The following GGA3 variants were observed in gnomAD, a reference collection of about 807,000 sequenced individuals.
The protein encoded by GGA3 is golgi associated, gamma adaptin ear containing, ARF binding protein 3, also known as ADP-ribosylation factor-binding protein GGA3.
Under a neutral mutation model 77.5 loss-of-function variants are expected in GGA3, and 57 were observed. That is an observed-to-expected ratio of 0.74 (90% CI 0.59 to 0.92). The LOEUF is 0.92. Among genes scored for constraint, GGA3 ranks in the 40% least tolerant of loss-of-function variants. The pLI is 0.00. For missense variants in GGA3, 970 were observed against 914.9 expected (o/e 1.06, Z -0.78); for synonymous variants, 416 against 383.7 (o/e 1.08, Z -0.98).
chr17:75,257,943 AAAG>A (rs1469667440), intron 1 of GGA3, among the ~76,000 whole-genome samples: 4 of 152,160 alleles, frequency 2.6e-5, no homozygotes, highest in Non-Finnish European at 5.9e-5. Context: ...AAGATCCACA[AAAG>A]AAGTAAAAAT....
chr17:75,241,098 C>G lies in GGA3; in HGVS notation c.947-41G>C, dbSNP rs144855213. 9,086 of 1,611,968 alleles carry G rather than the reference C, an allele frequency of 5.6e-3. 45 individuals carry two copies. The highest frequency in any genetic ancestry group is 6.7e-3 in the Non-Finnish European group (7,921 of 1,178,478). The stretch of plus-strand genomic sequence containing the variant: ...GAGCAGAACAGGAATAATTAGGGGT[C>G]TTCTAGTGGCTGTGTGGCAGGAGGC... On this transcript the variant is annotated intron_variant, in intron 10 of 16. Transcript: ENST00000537686.
chr17:75,239,990 A>C lies in GGA3; in HGVS notation c.1382T>G (p.Leu461Arg), dbSNP rs1225005855. The C allele has an allele frequency of 1.3e-6, 2 of 1,556,532 alleles. No individual in the cohort carries two copies. The highest frequency in any genetic ancestry group is 1.7e-6 in the Non-Finnish European group (2 of 1,150,796). Residue 461 changes from leucine (L) to arginine (R), a missense_variant, in exon 13 of 17, where the codon CTG (leucine) becomes CGG (arginine). Leu to Arg is a moderately radical substitution (Grantham distance 102). Transcript: ENST00000537686. The stretch of plus-strand genomic sequence containing the variant: ...CACAGGAGCTGGGAAGGGAGGCGGC[A>C]GTGGAGCTTGGGAGCTGCTTGAGGA... The part of the protein sequence containing the change: ...APSSSSSQAP[L>R]PPPFPAPVVP...
Position 75,240,047 on chromosome 17 carries a change from G to A in GGA3, c.1325C>T (p.Ser442Phe), listed in dbSNP as rs1438815941. 4.5e-6 allele frequency: 7 copies of A among 1,552,114 alleles called. No homozygotes were observed. Among genetic ancestry groups the A allele is most frequent in the Non-Finnish European group, 6.1e-6 (7 of 1,148,524 alleles). ...TGAGGGCTGGAGCAGAGGAGCATCG[G>A]AGGCGCCACAGGCAGCGGTCCCCGG... ...PRPGTAACGA[S>F]DAPLLQPSAP... The change falls in exon 13 of 17, where the codon TCC becomes TTC. Residue 442 changes from serine (S) to phenylalanine (F), a missense_variant. Physicochemically the swap from Ser to Phe is radical, Grantham distance 155. Coordinates refer to ENST00000537686, the MANE Select transcript of GGA3 (RefSeq NM_138619.4).
At chr17:75,255,517 C>A (rs1598443228) in intron 1 of GGA3, among the ~76,000 whole-genome samples, 2 of 152,268 alleles carry the variant, frequency 1.3e-5, no homozygotes, top group East Asian at 3.9e-4. Context: ...GCACCCCTTA[C>A]CATCTCATTA....
At chr17:75,257,055 G>A (rs1049291240) in intron 1 of GGA3, among the ~76,000 whole-genome samples, 19 of 151,826 alleles carry the variant, frequency 1.3e-4, no homozygotes, top group Non-Finnish European at 2.2e-4. Context: ...ACGGTCCTCC[G>A]TCTTCAAGAA....
intron 13 of GGA3, 50 bp from the exon 14 acceptor site, chr17:75,239,621 C>T (rs759942313): frequency 4.0e-5 from 59 of 1,488,942 alleles, no homozygotes; most frequent in Non-Finnish European, 5.2e-5. Flanking sequence ...GCCAGAGCTG[C>T]AGGACTCTCA....
intron 1 of GGA3, among the ~76,000 whole-genome samples, chr17:75,249,758 G>A (rs2076896580): frequency 6.6e-6 from 1 of 152,140 alleles, no homozygotes; most frequent in Admixed American, 6.5e-5. Context: ...TTTGCACGGG[G>A]AAAAGCATCT....
chr17:75,239,904 G>C lies in GGA3; in HGVS notation c.1468C>G (p.Pro490Ala). ...GSSLFSTGVA[P>A]ALAPKVEPAV... is the part of the protein sequence containing the mutation. Reference sequence around the variant, plus strand: ...GGCTCAACTTTTGGGGCCAAGGCTGGGGCCACTCCAGTAGAAAACAAGGAG... The same window carrying C: ...GGCTCAACTTTTGGGGCCAAGGCTGCGGCCACTCCAGTAGAAAACAAGGAG... Residue 490 changes from proline to alanine, a missense_variant, in exon 13 of 17, where the codon CCA becomes GCA. Pro to Ala is a conservative substitution (Grantham distance 27). Coordinates refer to ENST00000537686, the MANE Select transcript of GGA3 (RefSeq NM_138619.4). 6.2e-7 allele frequency: 1 copy of C among 1,613,168 alleles called. No individual in the cohort carries two copies. Among genetic ancestry groups the C allele is most frequent in the South Asian group, 1.1e-5 (1 of 90,996 alleles).
chr17:75,239,280 T>C (rs1229766295), intron 14 of GGA3, 95 bp downstream of exon 14: 3 of 1,167,184 alleles, frequency 2.6e-6, no homozygotes, highest in Non-Finnish European at 3.6e-6. Context: ...AGGGACCCCC[T>C]GCAAAGAGTG....
intron 6 of GGA3, 51 bp downstream of exon 6, chr17:75,243,012 G>A (rs1291691631): frequency 6.6e-7 from 1 of 1,509,886 alleles, no homozygotes; most frequent in Non-Finnish European, 9.2e-7. Flanking sequence ...ACATTCCCCT[G>A]CTGCCACCCA....
intron 1 of GGA3, among the ~76,000 whole-genome samples, chr17:75,248,364 G>C (rs973555354): frequency 3.2e-4 from 48 of 149,160 alleles, no homozygotes; most frequent in Non-Finnish European, 6.1e-4. Context: ...CCAGCTACTC[G>C]GTAGGCTGAG....
At chr17:75,250,553 A>C (rs769605093) in intron 1 of GGA3, among the ~76,000 whole-genome samples, 5 of 151,248 alleles carry the variant, frequency 3.3e-5, no homozygotes, top group Non-Finnish European at 5.9e-5. Flanking sequence ...ATTTGAGGTC[A>C]GGAGTTCAAG....
intron 13 of GGA3, 57 bp downstream of exon 13, chr17:75,239,732 G>A: frequency 6.3e-7 from 1 of 1,587,566 alleles, no homozygotes; most frequent in Non-Finnish European, 8.6e-7. Context: ...GTTAGCTCTG[G>A]TTCTGACACA....
chr17:75,239,482 C>T lies in GGA3; in HGVS notation c.1673G>A (p.Gly558Asp). The T allele has an allele frequency of 1.3e-6, 2 of 1,580,090 alleles. No individual in the cohort carries two copies. Among genetic ancestry groups the T allele is most frequent in the South Asian group, 2.3e-5 (2 of 86,206 alleles). ...ACTCAGTGGCTGGAAGAGCGGGCTG[C>T]CGGGCCCCGTGGAGAAGGGCAGGAG... ...RPLLPFSTGP[G>D]SPLFQPLSFQ... Residue 558 changes from glycine (G) to aspartate (D), a missense_variant, in exon 14 of 17, where the codon GGC becomes GAC. Gly to Asp is a moderately conservative substitution (Grantham distance 94). Transcript: ENST00000537686.
chr17:75,249,474 G>A (rs1225274548), intron 1 of GGA3, among the ~76,000 whole-genome samples: 1 of 152,236 alleles, frequency 6.6e-6, no homozygotes, highest in Non-Finnish European at 1.5e-5. Context: ...GGAAAGAAAT[G>A]TCTGGCAATC....
rs2076694765 is a variant in GGA3, at chr17:75,244,711, C to T, written c.208G>A (p.Glu70Lys). Residue 70 changes from glutamate to lysine, a missense_variant, in exon 4 of 17, where the codon GAG (glutamate) becomes AAG (lysine). Glu to Lys is a moderately conservative substitution (Grantham distance 56, BLOSUM62 1). Coordinates refer to ENST00000537686, the MANE Select transcript of GGA3 (RefSeq NM_138619.4). ...WEALQALTVL[E>K]ACMKNCGRRF... ...CTCCCACAGTTCTTCATGCATGCCTCCAGCACCTGTAGCCGCACAGAGGAG... is the reference window on the plus strand; with the variant it reads ...CTCCCACAGTTCTTCATGCATGCCTTCAGCACCTGTAGCCGCACAGAGGAG... 1 of 1,612,554 alleles carries T rather than the reference C, an allele frequency of 6.2e-7. No homozygotes were observed. The highest frequency in any genetic ancestry group is 8.5e-7 in the Non-Finnish European group (1 of 1,178,552).
chr17:75,237,393 C>T lies in GGA3; in HGVS notation c.*886G>A. 2 of 1,232,014 alleles carry T rather than the reference C, an allele frequency of 1.6e-6. No homozygotes were observed. The highest frequency in any genetic ancestry group is 2.0e-5 in the Admixed American group (1 of 50,564). The allele number at this position is 1,232,014 out of a possible 1,614,324, so 76.3% of individuals were successfully genotyped here. A position where few individuals can be genotyped will look rare whatever the true frequency, so the allele number is the denominator to read the frequency against. On this transcript the variant is annotated 3_prime_UTR_variant, in exon 17 of 17. Transcript: ENST00000537686. ...CCATCTGGTGAGAGGAGAGGGAGGC[C>T]AAAGCAGTAGGATGTAGAGTGGCGG...
chr17:75,261,565 C>A lies in GGA3; in HGVS notation c.23G>T (p.Ser8Ile), dbSNP rs374161024. Residue 8 changes from serine (S) to isoleucine (I), a missense_variant, in exon 1 of 17, where the codon AGC becomes ATC. Transcript: ENST00000537686. MAEAEGE[S>I]LESWLNKATN... Reference sequence around the variant, plus strand: ...CTACTCACTGAGCCAGGACTCCAGGCTTTCCCCTTCCGCCTCCGCCATATT... The same window carrying A: ...CTACTCACTGAGCCAGGACTCCAGGATTTCCCCTTCCGCCTCCGCCATATT... 7.3e-5 allele frequency: 114 copies of A among 1,554,940 alleles called. 1 individual carries two copies. The highest frequency in any genetic ancestry group is 1.8e-4 in the South Asian group (15 of 83,984).
In GGA3 at chr17:75,239,003, G is replaced by A. The variant is rs765795873; in HGVS notation, c.1861C>T (p.Arg621Ter). ...ACCACCACCACCAGCACGTCAGGTC[G>A]TCCTGGGGGACACTCCTTGGCAAAG... ...FHFAKECPPG[R>*]PDVLVVVVSM... Residue 621 changes from arginine to a stop codon, truncating the protein, a stop_gained, in exon 15 of 17, where the codon CGA (arginine) becomes TGA (stop). Coordinates refer to ENST00000537686, the MANE Select transcript of GGA3 (RefSeq NM_138619.4). LOFTEE classifies it high-confidence loss of function. 4 of 1,614,098 alleles carry A rather than the reference G, an allele frequency of 2.5e-6. No individual in the cohort carries two copies. Among genetic ancestry groups the A allele is most frequent in the South Asian group, 2.2e-5 (2 of 91,086 alleles).
Sources: allele counts gnomAD v4.1 joint callset (sites outside exome capture counted in the v4.1 genomes callset), GRCh38; gene constraint gnomAD v4.1.1; transcripts MANE v1.5; gene names NCBI Gene and HGNC (gene_info 2026-07-23, HGNC 2026-07-21).